ENOPH1: variants seen among roughly 807,000 people sequenced by gnomAD.
ENOPH1 encodes the protein enolase-phosphatase E1.
Under a neutral mutation model 31.1 loss-of-function variants are expected in ENOPH1, and 14 were observed. The ratio of observed to expected loss-of-function variants is 0.45; its 90% CI spans 0.30 to 0.70. The LOEUF (loss-of-function observed/expected upper bound fraction) is 0.70. Among genes scored for constraint, ENOPH1 ranks in the 30% least tolerant of loss-of-function variants. The pLI is 0.09. For synonymous variants in ENOPH1, 127 were observed against 123.2 expected (o/e 1.03, Z -0.21); for missense variants, 243 against 321.5 (o/e 0.76, Z 1.87).
In ENOPH1 at chr4:82,430,666, G is replaced by A; in HGVS notation, c.-164G>A. On this transcript the variant is annotated 5_prime_UTR_variant, in exon 1 of 6. Transcript: ENST00000273920. ...CGCCTTTTCCAGTTCCAGGTGTGCA[G>A]AAGTGTCCTCTCCCCACGCGCGGCG... 1 of 620,114 alleles carries A rather than the reference G, an allele frequency of 1.6e-6. No homozygotes were observed. The highest frequency in any genetic ancestry group is 2.8e-6 in the Non-Finnish European group (1 of 352,144). 38.4% of individuals were successfully genotyped at this position (620,114 alleles called of 1,614,324 possible). A position where few individuals can be genotyped will look rare whatever the true frequency, so the allele number is the denominator to read the frequency against.
At chr4:82,454,644 T>TA in intron 3 of ENOPH1, 78 bp from the exon 4 acceptor site, 6 of 1,464,986 alleles carry the variant, frequency 4.1e-6, no homozygotes, top group Non-Finnish European at 5.6e-6. Context: ...GAGAGAAACA[T>TA]ATGGCATCTG....
intron 1 of ENOPH1, among the ~76,000 whole-genome samples, chr4:82,441,046 CA>C (rs1722026472): frequency 6.6e-6 from 1 of 152,218 alleles, no homozygotes; most frequent in Non-Finnish European, 1.5e-5. Flanking sequence ...TCTAATACCA[CA>C]ACTGCTGAAA....
chr4:82,453,731 T>G (rs1324259565), intron 3 of ENOPH1, among the ~76,000 whole-genome samples: 2 of 152,184 alleles, frequency 1.3e-5, no homozygotes, highest in African/African-American at 2.4e-5. Flanking sequence ...TTTTCACCTT[T>G]CTCCTGTGAT....
chr4:82,452,947 G>T (rs1320338851), intron 3 of ENOPH1, among the ~76,000 whole-genome samples: 1 of 147,894 alleles, frequency 6.8e-6, no homozygotes, highest in African/African-American at 2.5e-5. Flanking sequence ...TGTCACCCAG[G>T]CTGGAGTGCA....
chr4:82,447,933 C>T lies in ENOPH1; in HGVS notation c.98C>T (p.Pro33Leu). Residue 33 changes from proline to leucine, a missense_variant, in exon 2 of 6, where the codon CCT (proline) becomes CTT (leucine). Physicochemically the swap from Pro to Leu is moderately conservative, Grantham distance 98. Transcript: ENST00000273920. ...PIAFVKDILFPYIEENVKEYL... is the reference protein window; with the variant it reads ...PIAFVKDILFLYIEENVKEYL... ...TCTTTTATCCAGGACATTTTATTTCCTTACATCGAAGAAAATGTTAAAGAG... is the reference window on the plus strand; with the variant it reads ...TCTTTTATCCAGGACATTTTATTTCTTTACATCGAAGAAAATGTTAAAGAG... The T allele has an allele frequency of 6.2e-7, 1 of 1,603,508 alleles. No individual in the cohort carries two copies. The highest frequency in any genetic ancestry group is 8.5e-7 in the Non-Finnish European group (1 of 1,173,528).
intron 1 of ENOPH1, among the ~76,000 whole-genome samples, chr4:82,432,900 G>A (rs1365036214): frequency 6.6e-6 from 1 of 152,226 alleles, no homozygotes; most frequent in African/African-American, 2.4e-5. Flanking sequence ...GCGAGCCACC[G>A]CGCCTGACCT....
chr4:82,432,489 CAT>C (rs2110035153), intron 1 of ENOPH1, among the ~76,000 whole-genome samples: 1 of 152,288 alleles, frequency 6.6e-6, no homozygotes, highest in African/African-American at 2.4e-5. Flanking sequence ...GGATTACAGA[CAT>C]GTGCCACCAC....
chr4:82,440,827 G>T (rs901101253), intron 1 of ENOPH1, among the ~76,000 whole-genome samples: 1 of 152,092 alleles, frequency 6.6e-6, no homozygotes, highest in African/African-American at 2.4e-5. Context: ...AATTCATTTT[G>T]AATGCACATG....
intron 2 of ENOPH1, among the ~76,000 whole-genome samples, chr4:82,448,688 G>C (rs1225893618): frequency 6.6e-6 from 1 of 151,842 alleles, no homozygotes; most frequent in Non-Finnish European, 1.5e-5. Flanking sequence ...TTGGGAGGCC[G>C]AGGTGGGTGG....
intron 1 of ENOPH1, among the ~76,000 whole-genome samples, chr4:82,441,289 G>A (rs548685846): frequency 2.0e-5 from 3 of 152,278 alleles, no homozygotes; most frequent in East Asian, 3.9e-4. Context: ...TTTATATGGT[G>A]GCAGGCAAGA....
chr4:82,430,691 G>A lies in ENOPH1; in HGVS notation c.-139G>A, dbSNP rs544551678. ...GAAGTGTCCTCTCCCCACGCGCGGC[G>A]GGCTGCACTTGGTCGCTGGCTCCGA... is the stretch of plus-strand genomic sequence containing the variant. On this transcript the variant is annotated 5_prime_UTR_variant, in exon 1 of 6. Coordinates refer to ENST00000273920, the MANE Select transcript of ENOPH1 (RefSeq NM_021204.5). 22 of 700,110 alleles carry A rather than the reference G, an allele frequency of 3.1e-5. No homozygotes were observed. The highest frequency in any genetic ancestry group is 1.5e-5 in the Non-Finnish European group (6 of 413,538). 43.4% of individuals were successfully genotyped at this position (700,110 alleles called of 1,614,324 possible).
Position 82,460,335 on chromosome 4 carries a change from A to G in ENOPH1, c.*215A>G. Reference sequence around the variant, plus strand: ...CAAAACTTATTTAAAGATGCTTTATATGTAGAAATTGTTTCAAATCATACT... The same window carrying G: ...CAAAACTTATTTAAAGATGCTTTATGTGTAGAAATTGTTTCAAATCATACT... On this transcript the variant is annotated 3_prime_UTR_variant, in exon 6 of 6. Coordinates refer to ENST00000273920, the MANE Select transcript of ENOPH1 (RefSeq NM_021204.5). 1 of 449,060 alleles carries G rather than the reference A, an allele frequency of 2.2e-6. No homozygotes were observed. The allele number at this position is 449,060 out of a possible 1,614,324, so 27.8% of individuals were successfully genotyped here.
intron 2 of ENOPH1, among the ~76,000 whole-genome samples, chr4:82,450,509 T>C (rs1378981425): frequency 6.6e-6 from 1 of 152,244 alleles, no homozygotes; most frequent in Non-Finnish European, 1.5e-5. Flanking sequence ...CACATGTATC[T>C]TTAGAAATTG....
At chr4:82,453,002 C>T (rs564981561) in intron 3 of ENOPH1, among the ~76,000 whole-genome samples, 3 of 149,824 alleles carry the variant, frequency 2.0e-5, no homozygotes, top group East Asian at 4.0e-4. Context: ...CCTGGGTTCA[C>T]GCCATTCTCC....
chr4:82,459,841 C>A, intron 5 of ENOPH1, 140 bp from the exon 6 acceptor site: 1 of 797,762 alleles, frequency 1.3e-6, no homozygotes, highest in African/African-American at 1.7e-5. Context: ...CCAGGGTGCC[C>A]ATCTTTTAGC....
At position 82,456,951 on chromosome 4, in the gene ENOPH1, A is replaced by C. The variant is rs766230002; in HGVS notation, c.559A>C (p.Lys187Gln). 37 of 1,613,962 alleles carry C rather than the reference A, an allele frequency of 2.3e-5. No individual in the cohort carries two copies. Among genetic ancestry groups the C allele is most frequent in the Non-Finnish European group, 3.1e-5 (36 of 1,180,008 alleles). ...DGHFDTKIGH[K>Q]VESESYRKIA... is the part of the protein sequence containing the mutation. ...TCACTTTGATACCAAGATTGGACAC[A>C]AAGTAGAGAGTGAAAGTTACCGAAA... is the stretch of plus-strand genomic sequence containing the variant. The change falls in exon 5 of 6, where the codon AAA becomes CAA. Residue 187 changes from lysine to glutamine, a missense_variant. Transcript: ENST00000273920.
intron 5 of ENOPH1, among the ~76,000 whole-genome samples, chr4:82,459,144 A>G (rs1172373827): frequency 2.6e-5 from 4 of 152,144 alleles, no homozygotes; most frequent in African/African-American, 7.2e-5. Flanking sequence ...AGTAAGCGCC[A>G]TCTCTCTTAT....
intron 1 of ENOPH1, among the ~76,000 whole-genome samples, chr4:82,437,455 C>T (rs1560462920): frequency 6.6e-6 from 1 of 152,178 alleles, no homozygotes; most frequent in Non-Finnish European, 1.5e-5. Flanking sequence ...ATGCACATTC[C>T]AATCATGCCC....
In ENOPH1 at chr4:82,460,224, CAT is replaced by C; in HGVS notation, c.*107_*108del. 1 of 1,164,992 alleles carries C rather than the reference CAT, an allele frequency of 8.6e-7. No homozygotes were observed. Among genetic ancestry groups the C allele is most frequent in the Admixed American group, 2.0e-5 (1 of 50,850 alleles). The allele number at this position is 1,164,992 out of a possible 1,614,324, so 72.2% of individuals were successfully genotyped here. On this transcript the variant is annotated 3_prime_UTR_variant, in exon 6 of 6. Coordinates refer to ENST00000273920, the MANE Select transcript of ENOPH1 (RefSeq NM_021204.5). ...AACTTACTTAAAAAACATATGTACA[CAT>C]ATGTATGCAAGTATGTATATATGTG...
Sources: gnomAD v4.1 joint callset for allele counts (sites outside exome capture counted in the v4.1 genomes callset) on GRCh38, gnomAD v4.1.1 for gene constraint, MANE v1.5 for transcripts, NCBI Gene and HGNC (gene_info 2026-07-23, HGNC 2026-07-21) for gene names.